CAMK1D: variants seen among roughly 807,000 people sequenced by gnomAD.
CAMK1D encodes the protein calcium/calmodulin-dependent protein kinase type 1D.
CAMK1D carries 9 observed loss-of-function variants against 47.7 expected under a neutral mutation model. The observed-to-expected ratio is 0.19, with a 90% CI of 0.11 to 0.33. The LOEUF (loss-of-function observed/expected upper bound fraction) is 0.33, where lower values mean the gene tolerates loss of function less well. Among genes scored for constraint, CAMK1D ranks in the 10% least tolerant of loss-of-function variants. CAMK1D has a pLI of 1.00. For synonymous variants in CAMK1D, 184 were observed against 184.9 expected (o/e 0.99, Z 0.04); for missense variants, 291 against 488.7 (o/e 0.60, Z 3.81).
chr10:12,444,992 CA>C (rs1832887378), intron 1 of CAMK1D, among the ~76,000 whole-genome samples: 5 of 152,168 alleles, frequency 3.3e-5, no homozygotes, highest in Admixed American at 3.3e-4. Flanking sequence ...AGGGTCATTT[CA>C]AAATATGTCA....
At chr10:12,455,193 A>G (rs1415385449) in intron 1 of CAMK1D, among the ~76,000 whole-genome samples, 1 of 152,210 alleles carries the variant, frequency 6.6e-6, no homozygotes, top group East Asian at 1.9e-4. Context: ...GCATAAGGAT[A>G]GAGGGTCTTG....
chr10:12,553,454 G>A, intron 2 of CAMK1D, 98 bp downstream of exon 2: 1 of 1,010,860 alleles, frequency 9.9e-7, no homozygotes, highest in Non-Finnish European at 1.5e-6. Context: ...CGGGGGCAGA[G>A]GGGCCCCCAG....
chr10:12,811,165 A>T (rs1832588634), intron 6 of CAMK1D, among the ~76,000 whole-genome samples: 1 of 152,142 alleles, frequency 6.6e-6, no homozygotes, highest in African/African-American at 2.4e-5. Flanking sequence ...TGGGAAAGGC[A>T]TTATTGCCTT....
At chr10:12,580,436 G>A (rs938324950) in intron 2 of CAMK1D, among the ~76,000 whole-genome samples, 1 of 148,914 alleles carries the variant, frequency 6.7e-6, no homozygotes, top group Non-Finnish European at 1.5e-5. Context: ...GGTGTACAAA[G>A]CTAGTGACTC....
At chr10:12,619,144 G>A (rs1838912154) in intron 2 of CAMK1D, among the ~76,000 whole-genome samples, 3 of 152,326 alleles carry the variant, frequency 2.0e-5, no homozygotes, top group Admixed American at 6.5e-5. Context: ...TTTGAGTGCT[G>A]TCTGCTAAGT....
chr10:12,570,680 CAAAAA>C (rs35160242), intron 2 of CAMK1D, among the ~76,000 whole-genome samples: 2 of 84,572 alleles, frequency 2.4e-5, no homozygotes, highest in Non-Finnish European at 2.5e-5. Context: ...AACTCCATCT[CAAAAA>C]AAAAAAAAAA....
At chr10:12,436,392 T>G (rs1198094936) in intron 1 of CAMK1D, among the ~76,000 whole-genome samples, 2 of 152,200 alleles carry the variant, frequency 1.3e-5, no homozygotes, top group Non-Finnish European at 2.9e-5. Flanking sequence ...GATGAAGGCT[T>G]GTCCAAGGAG....
chr10:12,532,698 C>T (rs1251703768), intron 1 of CAMK1D, among the ~76,000 whole-genome samples: 1 of 152,166 alleles, frequency 6.6e-6, no homozygotes, highest in African/African-American at 2.4e-5. Context: ...ACTTAAGTGT[C>T]TATCAGTAGA....
At position 12,833,391 on chromosome 10, in the gene CAMK1D, A is replaced by T. The variant is rs1833451440; in HGVS notation, c.*4504A>T. 6.6e-6 allele frequency: 1 copy of T among 152,262 alleles called. No individual in the cohort carries two copies. The allele number at this position is 152,262 out of a possible 1,614,324, so 9.4% of individuals were successfully genotyped here. A position where few individuals can be genotyped will look rare whatever the true frequency, so the allele number is the denominator to read the frequency against. Reference sequence around the variant, plus strand: ...GTGGAATGACAGCTTAACCTGATTAACCCACTGGGGCTTGCTATTTTATGA... The same window carrying T: ...GTGGAATGACAGCTTAACCTGATTATCCCACTGGGGCTTGCTATTTTATGA... On this transcript the variant is annotated 3_prime_UTR_variant, in exon 11 of 11. Transcript: ENST00000619168.
chr10:12,698,865 G>T (rs1044414836), intron 3 of CAMK1D, among the ~76,000 whole-genome samples: 2 of 151,808 alleles, frequency 1.3e-5, no homozygotes, highest in East Asian at 1.9e-4. Flanking sequence ...TAGAGACGGG[G>T]TTTCACCATG....
chr10:12,650,421 C>T (rs1453377636), intron 2 of CAMK1D, among the ~76,000 whole-genome samples: 1 of 152,258 alleles, frequency 6.6e-6, no homozygotes, highest in East Asian at 1.9e-4. Flanking sequence ...TGTCTTCTCA[C>T]ACTGGCCTGG....
intron 1 of CAMK1D, among the ~76,000 whole-genome samples, chr10:12,508,034 C>T (rs1834930441): frequency 6.6e-6 from 1 of 152,186 alleles, no homozygotes; most frequent in African/African-American, 2.4e-5. Context: ...ATTTGACAGG[C>T]CTGGGGTAGG....
intron 5 of CAMK1D, among the ~76,000 whole-genome samples, chr10:12,777,656 G>A (rs1253004756): frequency 1.3e-5 from 2 of 152,188 alleles, no homozygotes; most frequent in African/African-American, 2.4e-5. Context: ...TTACAGGCGT[G>A]AGCCACCATT....
At chr10:12,552,877 A>G (rs377445857) in intron 1 of CAMK1D, among the ~76,000 whole-genome samples, 48 of 152,160 alleles carry the variant, frequency 3.2e-4, no homozygotes, top group African/African-American at 1.7e-4. Flanking sequence ...AAGTAGCTGG[A>G]ATTACAGGTG....
Position 12,406,949 on chromosome 10 carries a change from C to T in CAMK1D, c.92+57039C>T, listed in dbSNP as rs141422277. Among the ~76,000 whole-genome samples, 13 of 152,260 alleles carry T rather than the reference C, an allele frequency of 8.5e-5. No individual in the cohort carries two copies. The East Asian group carries it at 2.3e-3, about 27-fold the overall frequency. ...CACCTAGGGTGACGTCACTGCTTCACATCTTGATACCGCAGACTTGCTTTC... is the reference window on the plus strand; with the variant it reads ...CACCTAGGGTGACGTCACTGCTTCATATCTTGATACCGCAGACTTGCTTTC... On this transcript the variant is annotated intron_variant, in intron 1 of 10. Transcript: ENST00000619168.
intron 5 of CAMK1D, among the ~76,000 whole-genome samples, chr10:12,788,265 A>T (rs1023936420): frequency 6.6e-6 from 1 of 152,166 alleles, no homozygotes; most frequent in Non-Finnish European, 1.5e-5. Context: ...ATCATAGCTC[A>T]CTGCAGCCTC....
At chr10:12,446,539 T>C (rs1832930442) in intron 1 of CAMK1D, among the ~76,000 whole-genome samples, 1 of 152,212 alleles carries the variant, frequency 6.6e-6, no homozygotes, top group African/African-American at 2.4e-5. Context: ...TGTCTCATCC[T>C]GTGACTTAGC....
intron 2 of CAMK1D, 135 bp from the exon 3 acceptor site, chr10:12,666,601 C>G: frequency 1.5e-6 from 1 of 686,550 alleles, no homozygotes; most frequent in Admixed American, 2.6e-5. Context: ...CTGGGGACAA[C>G]ATTGTGAAGT....
intron 1 of CAMK1D, among the ~76,000 whole-genome samples, chr10:12,495,587 GTTTGTGTA>G: frequency 6.6e-6 from 1 of 152,220 alleles, no homozygotes; most frequent in East Asian, 1.9e-4. Context: ...AATGGTTCAT[GTTTGTGTA>G]TTGCTCATTT....
Sources: allele counts gnomAD v4.1 joint callset (sites outside exome capture counted in the v4.1 genomes callset), GRCh38; gene constraint gnomAD v4.1.1; transcripts MANE v1.5; gene names NCBI Gene and HGNC (gene_info 2026-07-23, HGNC 2026-07-21).